Variants in PALM2AKAP2 observed in about 807,000 individuals in gnomAD.
The protein encoded by PALM2AKAP2 is PALM2-AKAP2 fusion protein.
A neutral mutation model predicts 71.5 loss-of-function variants in PALM2AKAP2; 37 were observed. The ratio of observed to expected loss-of-function variants is 0.52; its 90% CI spans 0.40 to 0.68. PALM2AKAP2 has a LOEUF of 0.68. Ranked by LOEUF, PALM2AKAP2 falls within the 30% of genes least tolerant of loss-of-function variation. The pLI, the probability that PALM2AKAP2 is intolerant of heterozygous loss-of-function variation, is 0.00. For synonymous variants in PALM2AKAP2, 468 were observed against 478.8 expected (o/e 0.98, Z 0.29); for missense variants, 1,224 against 1,191.8 (o/e 1.03, Z -0.40).
intron 3 of PALM2AKAP2, among the ~76,000 whole-genome samples, chr9:109,891,744 G>T (rs1183598581): frequency 6.6e-6 from 1 of 152,128 alleles, no homozygotes; most frequent in African/African-American, 2.4e-5. Flanking sequence ...GCTCACCTTG[G>T]CCTCCCAAAG....
chr9:109,906,057 G>A (rs557493083), intron 3 of PALM2AKAP2, among the ~76,000 whole-genome samples: 34 of 152,252 alleles, frequency 2.2e-4, no homozygotes, highest in Non-Finnish European at 3.1e-4. Context: ...GAGGTGCCCC[G>A]TGGTGCCTGG....
chr9:110,018,136 T>G (rs1330960837), intron 7 of PALM2AKAP2, among the ~76,000 whole-genome samples: 1 of 152,142 alleles, frequency 6.6e-6, no homozygotes, highest in African/African-American at 2.4e-5. Context: ...GAAGTTGTAT[T>G]TGGGTCCCTC....
At chr9:109,994,417 C>CT (rs1253312411) in intron 6 of PALM2AKAP2, among the ~76,000 whole-genome samples, 2 of 152,184 alleles carry the variant, frequency 1.3e-5, no homozygotes, top group Non-Finnish European at 2.9e-5. Context: ...AAACCTCAGG[C>CT]TTTTTTGTTT....
At chr9:110,114,219 T>C (rs1464960119) in intron 1 of PALM2AKAP2, among the ~76,000 whole-genome samples, 2 of 152,222 alleles carry the variant, frequency 1.3e-5, no homozygotes, top group Non-Finnish European at 2.9e-5. Context: ...CTTCTCGTGG[T>C]TGCTAGCAAT....
chr9:110,107,730 C>A (rs1014065922), intron 1 of PALM2AKAP2, among the ~76,000 whole-genome samples: 1 of 152,084 alleles, frequency 6.6e-6, no homozygotes, highest in Non-Finnish European at 1.5e-5. Flanking sequence ...CCATGCCCAG[C>A]TAATTTTTGT....
At position 109,643,053 on chromosome 9, in the gene PALM2AKAP2, AAAAGAGAAAGAAAG is replaced by A. The variant is rs528264746; in HGVS notation, c.5+2207_5+2220del. Among the ~76,000 whole-genome samples, 610 of 150,776 alleles carry A rather than the reference AAAAGAGAAAGAAAG, an allele frequency of 4.0e-3. 4 individuals carry two copies. The highest frequency in any genetic ancestry group is 0.014 in the African/African-American group (560 of 41,264). ...GAAAGGAAGGAAGGAAGGAAGAAGA[AAAAGAGAAAGAAAG>A]AAAGAGAAAGAAAGAAAGAAAGAGG... On this transcript the variant is annotated intron_variant, in intron 1 of 6. Coordinates refer to the PALM2AKAP2 transcript ENST00000374531.
chr9:109,698,697 G>C (rs1828009399), intron 1 of PALM2AKAP2, among the ~76,000 whole-genome samples: 1 of 152,208 alleles, frequency 6.6e-6, no homozygotes, highest in African/African-American at 2.4e-5. Context: ...CACAGGAAAT[G>C]CAGAGTGGGA....
At chr9:109,691,174 TACACACACACACAC>T (rs56966509) in intron 1 of PALM2AKAP2, among the ~76,000 whole-genome samples, 12 of 147,458 alleles carry the variant, frequency 8.1e-5, no homozygotes, top group Admixed American at 1.4e-4. Context: ...CTTTGAATTT[TACACACACACACAC>T]ACACACACAC....
chr9:109,871,237 A>G (rs1829596469), intron 2 of PALM2AKAP2, among the ~76,000 whole-genome samples: 1 of 152,234 alleles, frequency 6.6e-6, no homozygotes, highest in South Asian at 2.1e-4. Flanking sequence ...ATGGAATATC[A>G]TCACTTTGTA....
chr9:109,890,935 G>A (rs924917079), intron 3 of PALM2AKAP2, among the ~76,000 whole-genome samples: 1 of 152,160 alleles, frequency 6.6e-6, no homozygotes, highest in Non-Finnish European at 1.5e-5. Flanking sequence ...AGAGTCTTGT[G>A]TTTGTTCCTC....
At chr9:110,043,066 C>T (rs1009121386) in intron 7 of PALM2AKAP2, among the ~76,000 whole-genome samples, 1 of 152,166 alleles carries the variant, frequency 6.6e-6, no homozygotes, top group African/African-American at 2.4e-5. Flanking sequence ...CCTTTCCCAG[C>T]CTCTGATAAC....
intron 3 of PALM2AKAP2, among the ~76,000 whole-genome samples, chr9:110,163,053 A>G (rs922661538): frequency 1.3e-5 from 2 of 152,112 alleles, no homozygotes; most frequent in Non-Finnish European, 2.9e-5. Context: ...TCACAAATAT[A>G]TGTGCTATAA....
intron 1 of PALM2AKAP2, among the ~76,000 whole-genome samples, chr9:109,660,975 G>A (rs1232517476): frequency 2.0e-5 from 3 of 152,146 alleles, no homozygotes; most frequent in Admixed American, 2.0e-4. Flanking sequence ...CCTTTGAGAA[G>A]TGTCTATTCA....
At position 109,905,666 on chromosome 9, in the gene PALM2AKAP2, T is replaced by G. The variant is rs546885472; in HGVS notation, c.258-18069T>G. Among the ~76,000 whole-genome samples the G allele has an allele frequency of 6.6e-5, 10 of 152,370 alleles. No individual in the cohort carries two copies. In the East Asian group the frequency reaches 1.9e-3, roughly 29 times the overall value. ...CAGTCGGCTACCCCAAGCCCCGTTT[T>G]GCTGCAGCCGGGTGAGGGCAGTAAT... On this transcript the variant is annotated intron_variant, in intron 3 of 9. Coordinates refer to the PALM2AKAP2 transcript ENST00000302798.
chr9:109,973,110 TA>T (rs892122970), intron 6 of PALM2AKAP2, among the ~76,000 whole-genome samples: 9 of 151,716 alleles, frequency 5.9e-5, no homozygotes, highest in Admixed American at 2.6e-4. Flanking sequence ...TTCATTCAGT[TA>T]AAAAAAAATC....
intron 1 of PALM2AKAP2, among the ~76,000 whole-genome samples, chr9:110,097,691 A>G (rs2118845570): frequency 6.9e-6 from 1 of 145,718 alleles, no homozygotes; most frequent in South Asian, 2.2e-4. Context: ...GCAGCCAGGC[A>G]GAGGGGCTCC....
chr9:110,136,658 G>A (rs765619092), exon 2 of PALM2AKAP2: 1 of 1,614,154 alleles, frequency 6.2e-7, no homozygotes, highest in Non-Finnish European at 8.5e-7. Flanking sequence ...CCAGCCTAGA[G>A]ATGCGCTGGG....
intron 1 of PALM2AKAP2, among the ~76,000 whole-genome samples, chr9:109,818,117 T>A (rs1281182157): frequency 1.3e-5 from 2 of 152,208 alleles, no homozygotes; most frequent in African/African-American, 4.8e-5. Context: ...ATTTTTGGAA[T>A]GAGGCAAGGT....
intron 1 of PALM2AKAP2, among the ~76,000 whole-genome samples, chr9:109,694,924 A>G (rs1034859085): frequency 1.3e-5 from 2 of 152,172 alleles, no homozygotes; most frequent in African/African-American, 4.8e-5. Flanking sequence ...TTTAGTGAAG[A>G]AATGATGACT....
Sources: allele counts gnomAD v4.1 joint callset (sites outside exome capture counted in the v4.1 genomes callset), GRCh38; gene constraint gnomAD v4.1.1; transcripts MANE v1.5; gene names NCBI Gene and HGNC (gene_info 2026-07-23, HGNC 2026-07-21).